Variants in ADGRL4 observed in about 807,000 individuals in gnomAD.
ADGRL4 encodes the protein adhesion G protein-coupled receptor L4.
In ADGRL4, 90 loss-of-function variants were observed where a neutral mutation model predicts 74.8. The observed-to-expected ratio is 1.20, with a 90% CI of 1.02 to 1.43. The LOEUF is 1.43. Ranked by LOEUF, ADGRL4 falls within the 40% of genes most tolerant of loss-of-function variation. The pLI, the probability that ADGRL4 is intolerant of heterozygous loss-of-function variation, is 0.00. For synonymous variants in ADGRL4, 311 were observed against 279.2 expected, an observed-to-expected ratio of 1.11 and a Z score of -1.14; for missense variants, 881 against 814.3, an observed-to-expected ratio of 1.08 and a Z score of -1.00.
chr1:78,971,769 T>G (rs906585399), intron 2 of ADGRL4, among the ~76,000 whole-genome samples: 1 of 149,336 alleles, frequency 6.7e-6, no homozygotes, highest in Non-Finnish European at 1.5e-5. Flanking sequence ...TTTGTTGTTG[T>G]TTTTGAGATG....
At position 78,976,940 on chromosome 1, in the gene ADGRL4, A is replaced by T. The variant is rs77899467; in HGVS notation, c.172+28130T>A. On this transcript the variant is annotated intron_variant, in intron 2 of 14. Transcript: ENST00000370742. ...CATTTTATCCTATGAAGCCATCATT[A>T]ACGCTGGTACCAAAATCAGATGAAG... Among the ~76,000 whole-genome samples, 987 of 151,894 alleles carry T rather than the reference A, an allele frequency of 6.5e-3. 9 individuals are homozygous for T. Among genetic ancestry groups the T allele is most frequent in the African/African-American group, 0.019 (775 of 41,526 alleles).
intron 2 of ADGRL4, among the ~76,000 whole-genome samples, chr1:78,977,271 T>G (rs1427642929): frequency 6.6e-6 from 1 of 151,736 alleles, no homozygotes; most frequent in East Asian, 1.9e-4. Context: ...AAGGAAACTT[T>G]ACCAAAGGAC....
intron 12 of ADGRL4, among the ~76,000 whole-genome samples, chr1:78,913,817 A>G (rs1487800108): frequency 6.6e-6 from 1 of 151,938 alleles, no homozygotes; most frequent in Non-Finnish European, 1.5e-5. Context: ...ATAAATTAAA[A>G]TAAAACCTCT....
chr1:78,916,624 T>C (rs77354328), intron 12 of ADGRL4, among the ~76,000 whole-genome samples: 1,775 of 151,992 alleles, frequency 0.012, 32 homozygotes, highest in African/African-American at 0.04. Context: ...ACCCACACCA[T>C]TGCAAAATAA....
intron 3 of ADGRL4, among the ~76,000 whole-genome samples, chr1:78,941,021 T>C (rs182978002): frequency 6.6e-6 from 1 of 152,292 alleles, no homozygotes; most frequent in East Asian, 1.9e-4. Context: ...AGTATATATA[T>C]TCAAAATCTG....
chr1:78,932,081 A>C (rs4284218), intron 7 of ADGRL4, among the ~76,000 whole-genome samples: 26,068 of 151,382 alleles, frequency 0.17, 2,645 homozygotes, highest in Admixed American at 0.26. Context: ...AAGTGGACCT[A>C]ATAAACATTT....
chr1:78,917,957 CAAT>C lies in ADGRL4; in HGVS notation c.1552_1554del (p.Ile518del), dbSNP rs748344456. ...CCCTTGTTGTAGATGACACCCACAA[CAAT>C]GAGATAGAGATGTATGCCTTCAATG... On this transcript the variant is annotated inframe_deletion, in exon 11 of 15. Transcript: ENST00000370742. The C allele has an allele frequency of 1.3e-4, 210 of 1,611,256 alleles. No individual in the cohort carries two copies. Among genetic ancestry groups the C allele is most frequent in the Non-Finnish European group, 1.8e-5 (21 of 1,178,886 alleles).
intron 2 of ADGRL4, among the ~76,000 whole-genome samples, chr1:78,986,610 C>CAATA (rs970709421): frequency 4.6e-5 from 7 of 151,388 alleles, no homozygotes; most frequent in East Asian, 1.9e-4. Flanking sequence ...GACTCTATCT[C>CAATA]AATAAATAAA....
At chr1:78,964,204 G>A (rs61770706) in intron 2 of ADGRL4, among the ~76,000 whole-genome samples, 5,786 of 152,280 alleles carry the variant, frequency 0.038, 141 homozygotes, top group South Asian at 0.087. Flanking sequence ...ACTTGAAAAT[G>A]AATGCTCAAT....
intron 8 of ADGRL4, among the ~76,000 whole-genome samples, chr1:78,926,551 C>T (rs985679297): frequency 1.3e-5 from 2 of 151,954 alleles, no homozygotes; most frequent in African/African-American, 4.8e-5. Flanking sequence ...ACACAAGTGA[C>T]ATTTATTTCT....
At chr1:78,933,589 G>A (rs1443196406) in intron 7 of ADGRL4, among the ~76,000 whole-genome samples, 2 of 151,400 alleles carry the variant, frequency 1.3e-5, no homozygotes, top group East Asian at 3.9e-4. Context: ...GGGCAATCAG[G>A]CAAGAGAAAG....
intron 2 of ADGRL4, among the ~76,000 whole-genome samples, chr1:78,972,180 AT>A (rs1195068454): frequency 6.6e-6 from 1 of 152,174 alleles, no homozygotes; most frequent in Non-Finnish European, 1.5e-5. Flanking sequence ...ATTATCCTTC[AT>A]TTGCTACTTA....
intron 8 of ADGRL4, 67 bp downstream of exon 8, chr1:78,926,819 C>A: frequency 8.6e-7 from 1 of 1,163,942 alleles, no homozygotes; most frequent in Non-Finnish European, 1.2e-6. Flanking sequence ...TTAAGTGACA[C>A]AACAAAGAGT....
At chr1:78,942,942 A>G (rs1466778814) in intron 3 of ADGRL4, among the ~76,000 whole-genome samples, 1 of 152,084 alleles carries the variant, frequency 6.6e-6, no homozygotes, top group East Asian at 1.9e-4. Flanking sequence ...AATGATAATA[A>G]TAATAATGAT....
In ADGRL4 at chr1:78,917,945, T is replaced by C; in HGVS notation, c.1567A>G (p.Ile523Val). 6.2e-7 allele frequency: 1 copy of C among 1,612,598 alleles called. No individual in the cohort carries two copies. Residue 523 changes from isoleucine to valine, a missense_variant, in exon 11 of 15, where the codon ATC becomes GTC. By Grantham distance (29) the Ile-to-Val change is conservative. Transcript: ENST00000370742. Reference protein sequence around the residue: ...IHLYLIVVGVIYNKGFLHKNF... With the variant: ...IHLYLIVVGVVYNKGFLHKNF... The stretch of plus-strand genomic sequence containing the variant: ...TTGTGCAAAAATCCCTTGTTGTAGA[T>C]GACACCCACAACAATGAGATAGAGA...
At chr1:78,907,914 T>C (rs1648680406) in intron 12 of ADGRL4, among the ~76,000 whole-genome samples, 2 of 151,892 alleles carry the variant, frequency 1.3e-5, no homozygotes, top group African/African-American at 2.4e-5. Context: ...TTTGATCAGA[T>C]ACAATCAGGA....
Position 78,938,362 on chromosome 1 carries a change from A to G in ADGRL4, c.397-83T>C, listed in dbSNP as rs1649405047. On this transcript the variant is annotated intron_variant, in intron 4 of 14. Transcript: ENST00000370742. The stretch of plus-strand genomic sequence containing the variant: ...AGAATAAAACTTACATGTTAAATTT[A>G]CCCTGAGGTTGGTTTCCTTGGTCTA... The G allele has an allele frequency of 4.2e-6, 5 of 1,198,030 alleles. No individual in the cohort carries two copies. The South Asian group carries it at 9.0e-5, about 22-fold the overall frequency. The allele number at this position is 1,198,030 out of a possible 1,614,324, so 74.2% of individuals were successfully genotyped here. A position where few individuals can be genotyped will look rare whatever the true frequency, so the allele number is the denominator to read the frequency against.
chr1:78,953,122 T>G (rs1033040466), intron 2 of ADGRL4, among the ~76,000 whole-genome samples: 2 of 152,192 alleles, frequency 1.3e-5, no homozygotes, highest in African/African-American at 4.8e-5. Context: ...AACAATCTTA[T>G]GTTTGTACAT....
At chr1:78,922,399 T>A (rs1437018518) in intron 8 of ADGRL4, among the ~76,000 whole-genome samples, 1 of 151,922 alleles carries the variant, frequency 6.6e-6, no homozygotes, top group Non-Finnish European at 1.5e-5. Context: ...TTCCAGAAAC[T>A]TGTAGAAGCC....
Sources: allele counts gnomAD v4.1 joint callset (sites outside exome capture counted in the v4.1 genomes callset), GRCh38; gene constraint gnomAD v4.1.1; transcripts MANE v1.5; gene names NCBI Gene and HGNC (gene_info 2026-07-23, HGNC 2026-07-21).